CTNNA3: variants seen among roughly 807,000 people sequenced by gnomAD.
CTNNA3 encodes catenin alpha-3.
In CTNNA3, 76 loss-of-function variants were observed where a neutral mutation model predicts 95.7. The ratio of observed to expected loss-of-function variants is 0.79; its 90% CI spans 0.66 to 0.96. The LOEUF is 0.96. CTNNA3 is among the 40% of genes least tolerant of loss of function. The probability of loss-of-function intolerance (pLI) is 0.00; values close to 1 mark genes in which losing one functional copy is unlikely to be tolerated. For missense variants in CTNNA3, 1,191 were observed against 1,089.8 expected (o/e 1.09, Z -1.31); for synonymous variants, 431 against 374.4 (o/e 1.15, Z -1.74).
chr10:67,659,579 G>C (rs1364064536), intron 1 of CTNNA3, among the ~76,000 whole-genome samples: 1 of 149,664 alleles, frequency 6.7e-6, no homozygotes, highest in Non-Finnish European at 1.5e-5. Context: ...AACTAAATTA[G>C]TCAAATTGAA....
intron 5 of CTNNA3, among the ~76,000 whole-genome samples, chr10:67,405,651 G>GA (rs1845114747): frequency 6.6e-6 from 1 of 152,062 alleles, no homozygotes; most frequent in South Asian, 2.1e-4. Context: ...CATCAAGACA[G>GA]AAAATTAACA....
chr10:66,103,484 T>A (rs1323181381), intron 13 of CTNNA3, among the ~76,000 whole-genome samples: 1 of 152,132 alleles, frequency 6.6e-6, no homozygotes, highest in Admixed American at 6.6e-5. Flanking sequence ...AATGTATGCT[T>A]ACTGATGAAT....
chr10:66,852,457 A>G (rs1262999269), intron 7 of CTNNA3, among the ~76,000 whole-genome samples: 2 of 152,208 alleles, frequency 1.3e-5, no homozygotes, highest in East Asian at 3.9e-4. Context: ...AGAATAAAAC[A>G]TAAATGCCAA....
At chr10:65,992,680 C>T (rs375863781) in intron 15 of CTNNA3, among the ~76,000 whole-genome samples, 7 of 151,934 alleles carry the variant, frequency 4.6e-5, no homozygotes, top group African/African-American at 1.7e-4. Context: ...TTTATCTTTT[C>T]ACAAAACCAA....
At chr10:67,069,549 A>G (rs1856307562) in intron 7 of CTNNA3, among the ~76,000 whole-genome samples, 1 of 148,966 alleles carries the variant, frequency 6.7e-6, no homozygotes, top group Middle Eastern at 3.4e-3. Context: ...CAAGGTGTAC[A>G]GCAGCCCGCC....
chr10:66,281,721 T>C (rs532175226), intron 12 of CTNNA3, among the ~76,000 whole-genome samples: 1 of 151,964 alleles, frequency 6.6e-6, no homozygotes, highest in Non-Finnish European at 1.5e-5. Flanking sequence ...ATTTAAGTTG[T>C]ATCTGCTTGT....
At chr10:67,460,682 T>C (rs1847342638) in intron 5 of CTNNA3, among the ~76,000 whole-genome samples, 1 of 152,146 alleles carries the variant, frequency 6.6e-6, no homozygotes, top group Non-Finnish European at 1.5e-5. Context: ...GAGACTCTTC[T>C]GGCATTATTT....
chr10:67,482,102 A>G (rs1393919392), intron 5 of CTNNA3, among the ~76,000 whole-genome samples: 3 of 149,224 alleles, frequency 2.0e-5, no homozygotes, highest in Admixed American at 6.7e-5. Context: ...TGTTCCATTG[A>G]TCTATATCTC....
intron 13 of CTNNA3, among the ~76,000 whole-genome samples, chr10:66,130,001 T>C (rs1353621253): frequency 6.6e-6 from 1 of 152,104 alleles, no homozygotes; most frequent in Admixed American, 6.5e-5. Context: ...CCTAGGAGCA[T>C]TGGCAGGCAT....
intron 2 of CTNNA3, among the ~76,000 whole-genome samples, chr10:67,624,734 GA>G (rs1843969110): frequency 6.6e-6 from 1 of 152,164 alleles, no homozygotes; most frequent in Non-Finnish European, 1.5e-5. Context: ...TAGGTGAACA[GA>G]ATGATAAGAA....
At chr10:66,683,987 T>C (rs906793272) in intron 9 of CTNNA3, among the ~76,000 whole-genome samples, 1 of 152,170 alleles carries the variant, frequency 6.6e-6, no homozygotes, top group Non-Finnish European at 1.5e-5. Flanking sequence ...AGATGGGATT[T>C]TGGTCAATGG....
intron 11 of CTNNA3, among the ~76,000 whole-genome samples, chr10:66,458,778 T>C (rs1012102623): frequency 5.3e-5 from 8 of 152,206 alleles, no homozygotes; most frequent in African/African-American, 1.9e-4. Flanking sequence ...AAAAGCTGAA[T>C]AATAGACCAT....
chr10:66,708,777 AG>A (rs1295136089), intron 9 of CTNNA3, among the ~76,000 whole-genome samples: 2 of 152,106 alleles, frequency 1.3e-5, no homozygotes, highest in Non-Finnish European at 1.5e-5. Flanking sequence ...ATCCCTCGTA[AG>A]GTTGTAAGGT....
At chr10:67,659,124 A>T (rs1840108292) in intron 1 of CTNNA3, among the ~76,000 whole-genome samples, 1 of 152,192 alleles carries the variant, frequency 6.6e-6, no homozygotes, top group Non-Finnish European at 1.5e-5. Flanking sequence ...AAAAAAAATT[A>T]CTTTAACCAA....
intron 5 of CTNNA3, among the ~76,000 whole-genome samples, chr10:67,221,692 G>C (rs186235844): frequency 4.0e-5 from 6 of 151,804 alleles, no homozygotes; most frequent in Admixed American, 3.3e-4. Flanking sequence ...CTCCTGCCTC[G>C]GCCTCCTGAG....
chr10:66,203,516 G>C (rs1236066312), intron 13 of CTNNA3, among the ~76,000 whole-genome samples: 2 of 151,742 alleles, frequency 1.3e-5, no homozygotes, highest in Non-Finnish European at 2.9e-5. Context: ...AAATATTATA[G>C]AGTAATCTTA....
At chr10:67,721,186 C>T (rs1395893964) in intron 1 of CTNNA3, among the ~76,000 whole-genome samples, 4 of 152,052 alleles carry the variant, frequency 2.6e-5, no homozygotes, top group Non-Finnish European at 5.9e-5. Flanking sequence ...TGTATTTCCT[C>T]AATTTGAATG....
At chr10:66,913,266 G>GA (rs1204338164) in intron 7 of CTNNA3, among the ~76,000 whole-genome samples, 3 of 74,576 alleles carry the variant, frequency 4.0e-5, no homozygotes, top group South Asian at 1.0e-3. Context: ...AAAAAAAAAA[G>GA]AAAAAGAAAA....
intron 10 of CTNNA3, among the ~76,000 whole-genome samples, chr10:66,554,008 G>A (rs538965153): frequency 6.6e-6 from 1 of 151,774 alleles, no homozygotes; most frequent in African/African-American, 2.4e-5. Context: ...CCTACTTTTT[G>A]TTACTCCTCA....
Sources: allele counts gnomAD v4.1 joint callset (sites outside exome capture counted in the v4.1 genomes callset), GRCh38; gene constraint gnomAD v4.1.1; transcripts MANE v1.5; gene names NCBI Gene and HGNC (gene_info 2026-07-23, HGNC 2026-07-21).